CLIC5: variants seen among roughly 807,000 people sequenced by gnomAD.
CLIC5 encodes chloride intracellular channel protein 5.
In CLIC5, 20 loss-of-function variants were observed where a neutral mutation model predicts 24.7. The observed-to-expected ratio is 0.81, with a 90% CI of 0.57 to 1.18. The LOEUF (loss-of-function observed/expected upper bound fraction) is 1.18, where lower values mean the gene tolerates loss of function less well. Among genes scored for constraint, CLIC5 ranks in the 50% most tolerant of loss-of-function variants. CLIC5 has a pLI of 0.00. For synonymous variants in CLIC5, 159 were observed against 135.6 expected, an observed-to-expected ratio of 1.17 and a Z score of -1.20; for missense variants, 341 against 326.1, an observed-to-expected ratio of 1.05 and a Z score of -0.35.
upstream of CLIC5, among the ~76,000 whole-genome samples, chr6:46,020,263 T>C (rs1027134838): frequency 6.6e-5 from 10 of 152,034 alleles, no homozygotes; most frequent in African/African-American, 2.4e-4. Context: ...TAAATTAATA[T>C]CCAGAAAGAT....
chr6:45,975,080 A>T (rs559017003), intron 1 of CLIC5, among the ~76,000 whole-genome samples: 113 of 152,344 alleles, frequency 7.4e-4, no homozygotes, highest in African/African-American at 2.5e-3. Context: ...AAATAAAGTA[A>T]GCTAAAAGGG....
At chr6:45,906,422 T>C (rs1373538152) in intron 5 of CLIC5, among the ~76,000 whole-genome samples, 2 of 152,200 alleles carry the variant, frequency 1.3e-5, no homozygotes, top group African/African-American at 4.8e-5. Flanking sequence ...TGTAGAGATT[T>C]TAACTCCCTG....
intron 1 of CLIC5, among the ~76,000 whole-genome samples, chr6:45,991,199 C>T (rs1227375504): frequency 6.6e-6 from 1 of 152,202 alleles, no homozygotes; most frequent in African/African-American, 2.4e-5. Context: ...AGGCCTAAAT[C>T]AGTTGCTTTT....
At chr6:45,953,118 C>A (rs996076534) in intron 2 of CLIC5, among the ~76,000 whole-genome samples, 2 of 152,016 alleles carry the variant, frequency 1.3e-5, no homozygotes, top group Admixed American at 1.3e-4. Context: ...AAGCAGATGG[C>A]GTTTAGCCCC....
At chr6:46,004,076 C>T (rs897231597) in intron 1 of CLIC5, among the ~76,000 whole-genome samples, 1 of 152,110 alleles carries the variant, frequency 6.6e-6, no homozygotes, top group Non-Finnish European at 1.5e-5. Flanking sequence ...AAAAGGAATG[C>T]AAGAATAGTT....
chr6:45,972,929 A>G (rs1765249641), intron 1 of CLIC5, among the ~76,000 whole-genome samples: 1 of 152,212 alleles, frequency 6.6e-6, no homozygotes, highest in African/African-American at 2.4e-5. Context: ...GTTCATAGTA[A>G]TCTGGCCCTA....
the CLIC5 span, among the ~76,000 whole-genome samples, chr6:46,114,081 A>T: frequency 6.6e-6 from 1 of 152,134 alleles, no homozygotes; most frequent in Non-Finnish European, 1.5e-5. Context: ...GAGACATTAC[A>T]CTCTGAAAGA....
chr6:46,047,500 T>C (rs1767985233), intron 1 of CLIC5, among the ~76,000 whole-genome samples: 4 of 152,242 alleles, frequency 2.6e-5, no homozygotes. Context: ...TTATCAGATA[T>C]GTAAAATTGT....
chr6:45,949,843 G>A (rs893690357), intron 2 of CLIC5, among the ~76,000 whole-genome samples: 2 of 152,174 alleles, frequency 1.3e-5, no homozygotes, highest in Non-Finnish European at 2.9e-5. Context: ...AAAATTGGGA[G>A]TTTGGGCCAT....
At chr6:45,928,727 G>A (rs1420757584) in intron 4 of CLIC5, among the ~76,000 whole-genome samples, 2 of 151,936 alleles carry the variant, frequency 1.3e-5, no homozygotes, top group Non-Finnish European at 2.9e-5. Flanking sequence ...GATGGCCTTT[G>A]CCAGTACATA....
intron 5 of CLIC5, among the ~76,000 whole-genome samples, chr6:45,909,536 G>A (rs1415157955): frequency 6.6e-6 from 1 of 152,092 alleles, no homozygotes; most frequent in African/African-American, 2.4e-5. Context: ...TGTTTACAAA[G>A]CTTAGTTTGG....
intron 1 of CLIC5, among the ~76,000 whole-genome samples, chr6:46,032,981 A>ATTTTTTT (rs35845581): frequency 1.3e-5 from 1 of 79,028 alleles, no homozygotes; most frequent in Non-Finnish European, 2.4e-5. Flanking sequence ...GGAAATCTAC[A>ATTTTTTT]TTTTTTTTTT....
At chr6:46,006,015 T>TATATATTTATATATATATATATAC (rs66757100) in intron 1 of CLIC5, among the ~76,000 whole-genome samples, 1 of 137,986 alleles carries the variant, frequency 7.2e-6, no homozygotes, top group Non-Finnish European at 1.6e-5. Flanking sequence ...TATATATATA[T>TATATATTTATATATATATATATAC]ACACACATGT....
chr6:45,962,932 C>T (rs1764899112), intron 1 of CLIC5, among the ~76,000 whole-genome samples: 1 of 152,222 alleles, frequency 6.6e-6, no homozygotes, highest in Non-Finnish European at 1.5e-5. Context: ...CCATCTGCCA[C>T]TGAGTGTATG....
chr6:45,922,701 GA>G (rs906800663), intron 4 of CLIC5, among the ~76,000 whole-genome samples: 1 of 152,136 alleles, frequency 6.6e-6, no homozygotes, highest in Non-Finnish European at 1.5e-5. Context: ...CAGTAGATTT[GA>G]AGAGAAAGAT....
At chr6:46,120,895 A>T in the CLIC5 span, among the ~76,000 whole-genome samples, 1 of 152,238 alleles carries the variant, frequency 6.6e-6, no homozygotes, top group Non-Finnish European at 1.5e-5. Context: ...AAGAATAAAA[A>T]GAAATGAACA....
In CLIC5 at chr6:46,077,476, G is replaced by A. The variant is rs1319833775; in HGVS notation, c.540+2227C>T. ...GACCAACATCCCTTCCACAGAGCAG[G>A]GAAGAGGAAAAGGCCTGAGAGGTCA... On this transcript the variant is annotated intron_variant, in intron 1 of 5. Coordinates refer to the CLIC5 transcript ENST00000185206. Among the ~76,000 whole-genome samples, 3 of 151,976 alleles carry A rather than the reference G, an allele frequency of 2.0e-5. No homozygotes were observed. The East Asian group carries it at 5.8e-4, about 30-fold the overall frequency.
At chr6:46,012,760 T>C (rs902344042) in intron 1 of CLIC5, among the ~76,000 whole-genome samples, 6 of 152,228 alleles carry the variant, frequency 3.9e-5, no homozygotes, top group Non-Finnish European at 7.3e-5. Flanking sequence ...GGAGGAATTA[T>C]CATTCTTAGT....
chr6:46,066,003 G>C (rs947384151), intron 1 of CLIC5, among the ~76,000 whole-genome samples: 1 of 152,162 alleles, frequency 6.6e-6, no homozygotes, highest in African/African-American at 2.4e-5. Context: ...TAAAAAAGGA[G>C]AGAATTCCAA....
Sources: allele counts gnomAD v4.1 joint callset (sites outside exome capture counted in the v4.1 genomes callset), GRCh38; gene constraint gnomAD v4.1.1; transcripts MANE v1.5; gene names NCBI Gene and HGNC (gene_info 2026-07-23, HGNC 2026-07-21).